TASP1: variants seen among roughly 807,000 people sequenced by gnomAD.
TASP1 encodes the protein taspase 1, also known as threonine aspartase 1.
In TASP1, 16 loss-of-function variants were observed where a neutral mutation model predicts 56.6. The observed-to-expected ratio is 0.28, with a 90% CI of 0.19 to 0.43. The LOEUF is 0.43. TASP1 is among the 20% of genes least tolerant of loss of function. The pLI is 1.00. For missense variants in TASP1, 393 were observed against 511.6 expected (o/e 0.77, Z 2.24); for synonymous variants, 179 against 184.2 (o/e 0.97, Z 0.23).
At chr20:13,254,691 G>A in the TASP1 span, among the ~76,000 whole-genome samples, 2 of 152,194 alleles carry the variant, frequency 1.3e-5, no homozygotes, top group African/African-American at 2.4e-5. Flanking sequence ...GCAGATGACT[G>A]TGCCATCCTG....
chr20:13,434,991 T>C (rs912899367), intron 12 of TASP1, 53 bp downstream of exon 12: 4 of 1,375,822 alleles, frequency 2.9e-6, no homozygotes, highest in Non-Finnish European at 4.0e-6. Context: ...TATTTTCATT[T>C]TTTCTTGGAA....
chr20:13,272,208 T>C, the TASP1 span, among the ~76,000 whole-genome samples: 1 of 152,188 alleles, frequency 6.6e-6, no homozygotes, highest in Non-Finnish European at 1.5e-5. Flanking sequence ...CTCAGACCAA[T>C]TGATCCTTCA....
the TASP1 span, among the ~76,000 whole-genome samples, chr20:13,239,932 A>G: frequency 6.6e-6 from 1 of 152,210 alleles, no homozygotes; most frequent in Non-Finnish European, 1.5e-5. Flanking sequence ...AGCCCCACTT[A>G]GCTAAAGAGA....
the TASP1 span, among the ~76,000 whole-genome samples, chr20:13,247,228 G>A: frequency 4.9e-4 from 75 of 151,916 alleles, no homozygotes; most frequent in African/African-American, 1.6e-3. Flanking sequence ...GTGAATCTCC[G>A]TCTCAAAAAA....
At chr20:13,581,277 T>C (rs1241808490) in intron 5 of TASP1, among the ~76,000 whole-genome samples, 1 of 152,192 alleles carries the variant, frequency 6.6e-6, no homozygotes, top group Non-Finnish European at 1.5e-5. Context: ...TTAGGTTCCT[T>C]TTTAATAGAT....
At chr20:13,143,476 A>G in the TASP1 span, among the ~76,000 whole-genome samples, 1 of 152,204 alleles carries the variant, frequency 6.6e-6, no homozygotes, top group African/African-American at 2.4e-5. Context: ...CCATTTTACA[A>G]TGAAGAATCC....
the TASP1 span, among the ~76,000 whole-genome samples, chr20:13,336,585 A>G: frequency 1.3e-5 from 2 of 152,216 alleles, no homozygotes; most frequent in Admixed American, 6.5e-5. Context: ...AACATTAACT[A>G]GGAAATTAGA....
the TASP1 span, among the ~76,000 whole-genome samples, chr20:13,339,525 A>G: frequency 3.5e-4 from 54 of 152,314 alleles, no homozygotes; most frequent in African/African-American, 1.2e-3. Flanking sequence ...CTTTTCCTTC[A>G]TATCTCATCC....
the TASP1 span, among the ~76,000 whole-genome samples, chr20:13,359,939 CT>C: frequency 2.9e-3 from 443 of 152,252 alleles, 1 homozygote; most frequent in Admixed American, 7.1e-3. Flanking sequence ...CCTTACCCCA[CT>C]CAATGCCAAT....
the TASP1 span, among the ~76,000 whole-genome samples, chr20:13,127,975 G>C: frequency 6.6e-6 from 1 of 152,154 alleles, no homozygotes; most frequent in Non-Finnish European, 1.5e-5. Context: ...CTATTCACTC[G>C]TATGTGGCCT....
the TASP1 span, among the ~76,000 whole-genome samples, chr20:13,332,851 T>C: frequency 6.6e-6 from 1 of 152,208 alleles, no homozygotes; most frequent in East Asian, 1.9e-4. Context: ...GAACGGAAAG[T>C]TTGGCCTTTG....
the TASP1 span, chr20:13,299,187 C>G: frequency 2.5e-6 from 4 of 1,606,184 alleles, no homozygotes; most frequent in Admixed American, 5.1e-5. The surrounding 1 kb of genome is among the most constrained non-coding windows in gnomAD (Gnocchi z 5.8). Context: ...CATGCTGTCC[C>G]TGGAGAGCAC....
the TASP1 span, among the ~76,000 whole-genome samples, chr20:13,178,258 A>C: frequency 2.8e-4 from 43 of 152,158 alleles, no homozygotes; most frequent in Non-Finnish European, 5.1e-4. Context: ...AAAATAACAA[A>C]TGCTGGCAAG....
chr20:13,576,124 C>T (rs1455728175), intron 6 of TASP1, among the ~76,000 whole-genome samples: 1 of 142,836 alleles, frequency 7.0e-6, no homozygotes, highest in African/African-American at 2.6e-5. Context: ...ATCGCTTGAA[C>T]CTAGGAAGCA....
the TASP1 span, among the ~76,000 whole-genome samples, chr20:13,345,059 T>C: frequency 6.6e-6 from 1 of 152,142 alleles, no homozygotes; most frequent in South Asian, 2.1e-4. Context: ...TTCACTAGGC[T>C]GGATGCCTAG....
At chr20:13,430,050 G>C (rs2042752982) in intron 12 of TASP1, among the ~76,000 whole-genome samples, 1 of 152,102 alleles carries the variant, frequency 6.6e-6, no homozygotes, top group Non-Finnish European at 1.5e-5. Flanking sequence ...AAGGAGGTGA[G>C]GGAAACTTGA....
chr20:13,534,009 C>G lies in TASP1; in HGVS notation c.795+13G>C. 2 of 1,604,508 alleles carry G rather than the reference C, an allele frequency of 1.2e-6. No individual in the cohort carries two copies. Among genetic ancestry groups the G allele is most frequent in the Non-Finnish European group, 1.7e-6 (2 of 1,176,310 alleles). On this transcript the variant is annotated intron_variant, in intron 9 of 13. Coordinates refer to ENST00000337743, the MANE Select transcript of TASP1 (RefSeq NM_017714.3). Reference sequence around the variant, plus strand: ...CTTTGAAAGGCTAGTTTAAAAAACCCATAATTACTTACCTGCCCAACTCTC... The same window carrying G: ...CTTTGAAAGGCTAGTTTAAAAAACCGATAATTACTTACCTGCCCAACTCTC...
chr20:13,193,506 T>C, the TASP1 span, among the ~76,000 whole-genome samples: 2 of 152,128 alleles, frequency 1.3e-5, no homozygotes, highest in Admixed American at 1.3e-4. Flanking sequence ...AGCAAAAACA[T>C]GAAATAGCTC....
At chr20:13,177,290 C>T in the TASP1 span, among the ~76,000 whole-genome samples, 1 of 151,788 alleles carries the variant, frequency 6.6e-6, no homozygotes, top group Admixed American at 6.6e-5. Context: ...AATAGACATC[C>T]CATGCTCATG....
Sources: allele counts gnomAD v4.1 joint callset (sites outside exome capture counted in the v4.1 genomes callset), GRCh38; gene constraint gnomAD v4.1.1; non-coding constraint Gnocchi (gnomAD v3.1); transcripts MANE v1.5; gene names NCBI Gene and HGNC (gene_info 2026-07-23, HGNC 2026-07-21).